The following CDK6 variants were observed in gnomAD, a reference collection of about 807,000 sequenced individuals.
CDK6 encodes cyclin dependent kinase 6.
In CDK6, 6 loss-of-function variants were observed where a neutral mutation model predicts 37.1. The observed-to-expected ratio is 0.16, with a 90% confidence interval of 0.09 to 0.32. The LOEUF is 0.32. CDK6 is among the 10% of genes least tolerant of loss of function. The pLI is 1.00. For missense variants in CDK6, 224 were observed against 418.9 expected (o/e 0.53, Z 4.06); for synonymous variants, 160 against 161.3 (o/e 0.99, Z 0.06).
At position 92,611,622 on chromosome 7, in the gene CDK6, A is replaced by G. The variant is rs1412273872; in HGVS notation, c.*3518T>C. ...AACACTCACTTTAAATACATAATTT[A>G]AAGTTCAAAATGTTTGGTACTATTT... On this transcript the variant is annotated 3_prime_UTR_variant, in exon 8 of 8. Transcript: ENST00000424848. 1 of 229,014 alleles carries G rather than the reference A, an allele frequency of 4.4e-6. No homozygotes were observed. The highest frequency in any genetic ancestry group is 6.3e-5 in the East Asian group (1 of 15,814). 14.2% of individuals were successfully genotyped at this position (229,014 alleles called of 1,614,324 possible).
At position 92,612,228 on chromosome 7, in the gene CDK6, A is replaced by G. The variant is rs1795577313; in HGVS notation, c.*2912T>C. On this transcript the variant is annotated 3_prime_UTR_variant, in exon 8 of 8. Coordinates refer to ENST00000424848, the MANE Select transcript of CDK6 (RefSeq NM_001145306.2). ...GGGACATTCTTGTACTGGTCCTACTATGAAATTCAAACATGATTTCAAATC... is the reference window on the plus strand; with the variant it reads ...GGGACATTCTTGTACTGGTCCTACTGTGAAATTCAAACATGATTTCAAATC... 2 of 233,184 alleles carry G rather than the reference A, an allele frequency of 8.6e-6. No individual in the cohort carries two copies. 14.4% of individuals were successfully genotyped at this position (233,184 alleles called of 1,614,324 possible).
intron 5 of CDK6, among the ~76,000 whole-genome samples, chr7:92,635,820 T>C (rs897638698): frequency 1.3e-5 from 2 of 152,164 alleles, no homozygotes; most frequent in African/African-American, 4.8e-5. Context: ...GAAAACTTTA[T>C]AGATGATGAA....
intron 4 of CDK6, among the ~76,000 whole-genome samples, chr7:92,705,196 TTGGTAG>T (rs1461897275): frequency 3.9e-5 from 6 of 152,338 alleles, no homozygotes; most frequent in African/African-American, 4.8e-5. Flanking sequence ...TAGAAAATTC[TTGGTAG>T]TGGTAAACTC....
chr7:92,633,721 T>C (rs1219495785), intron 5 of CDK6, among the ~76,000 whole-genome samples: 1 of 151,724 alleles, frequency 6.6e-6, no homozygotes, highest in African/African-American at 2.4e-5. Flanking sequence ...ATTTATAGCA[T>C]AATGTAATGT....
intron 5 of CDK6, among the ~76,000 whole-genome samples, chr7:92,640,690 T>C (rs139314163): frequency 3.2e-3 from 482 of 152,318 alleles, no homozygotes; most frequent in African/African-American, 9.7e-3. Flanking sequence ...TAAAAATGTA[T>C]TGAATGACAT....
At chr7:92,735,777 G>A (rs1468263425) in intron 3 of CDK6, among the ~76,000 whole-genome samples, 1 of 152,126 alleles carries the variant, frequency 6.6e-6, no homozygotes, top group Non-Finnish European at 1.5e-5. Flanking sequence ...TTGGTTTTGT[G>A]TACAGGAGTT....
chr7:92,730,057 C>G (rs1253606194), intron 3 of CDK6, among the ~76,000 whole-genome samples: 2 of 152,174 alleles, frequency 1.3e-5, no homozygotes, highest in East Asian at 3.9e-4. Context: ...GCCTTATTTT[C>G]TCATTACAAG....
intron 2 of CDK6, among the ~76,000 whole-genome samples, chr7:92,802,821 T>C (rs1342429327): frequency 1.3e-5 from 2 of 152,214 alleles, no homozygotes; most frequent in East Asian, 3.8e-4. Flanking sequence ...GTTATGGGGA[T>C]ACTGTCTTGT....
intron 2 of CDK6, among the ~76,000 whole-genome samples, chr7:92,804,193 G>A (rs1161935539): frequency 6.6e-6 from 1 of 152,152 alleles, no homozygotes; most frequent in Admixed American, 6.5e-5. Context: ...GAATTACCTA[G>A]ACCCTTTCAC....
At chr7:92,780,804 CA>C (rs1298208967) in intron 2 of CDK6, among the ~76,000 whole-genome samples, 16 of 146,066 alleles carry the variant, frequency 1.1e-4, no homozygotes, top group African/African-American at 3.8e-4. Flanking sequence ...ACAACAACAA[CA>C]ACAAAAAAAA....
intron 2 of CDK6, among the ~76,000 whole-genome samples, chr7:92,816,997 G>C (rs1293931540): frequency 6.6e-6 from 1 of 151,670 alleles, no homozygotes; most frequent in East Asian, 1.9e-4. Context: ...AATTATAAAA[G>C]GTGATCTAAC....
chr7:92,716,829 AGAACTCTTCAGAG>A (rs1316410434), intron 4 of CDK6, among the ~76,000 whole-genome samples: 2 of 152,232 alleles, frequency 1.3e-5, no homozygotes, highest in African/African-American at 4.8e-5. Context: ...CTCATTAAAT[AGAACTCTTCAGAG>A]AAGCCCCTAA....
chr7:92,802,906 C>T lies in CDK6; in HGVS notation c.234-28075G>A, dbSNP rs1037787637. On this transcript the variant is annotated intron_variant, in intron 2 of 7. Coordinates refer to ENST00000424848, the MANE Select transcript of CDK6 (RefSeq NM_001145306.2). ...AATCATATCCCTCCATTTGTGACAA[C>T]CAAAAATATCTGGAAATGTTGCCAA... 3.3e-5 allele frequency among the ~76,000 whole-genome samples: 5 copies of T among 152,256 alleles called. No individual in the cohort carries two copies. In the East Asian group the frequency reaches 7.7e-4, roughly 23 times the overall value.
intron 2 of CDK6, among the ~76,000 whole-genome samples, chr7:92,818,580 G>T (rs1170822877): frequency 6.7e-6 from 1 of 149,280 alleles, no homozygotes; most frequent in Non-Finnish European, 1.5e-5. Flanking sequence ...AGCTATCAAA[G>T]AAAAAAAAAG....
At chr7:92,758,128 GCT>G (rs1347411607) in intron 3 of CDK6, among the ~76,000 whole-genome samples, 1 of 152,034 alleles carries the variant, frequency 6.6e-6, no homozygotes, top group East Asian at 1.9e-4. Flanking sequence ...AGTTTCTTTT[GCT>G]GTGCAGAGCT....
At chr7:92,759,591 A>T (rs935500605) in intron 3 of CDK6, among the ~76,000 whole-genome samples, 2 of 151,866 alleles carry the variant, frequency 1.3e-5, no homozygotes, top group Non-Finnish European at 2.9e-5. Flanking sequence ...ATCTTTCTGC[A>T]AGTGATGTGT....
intron 2 of CDK6, among the ~76,000 whole-genome samples, chr7:92,790,873 A>G (rs1357648014): frequency 2.0e-5 from 3 of 152,182 alleles, no homozygotes. Context: ...GAAACCAAAG[A>G]AAGTGTGAGC....
chr7:92,680,436 A>G (rs1263028901), intron 4 of CDK6, among the ~76,000 whole-genome samples: 7 of 85,624 alleles, frequency 8.2e-5, no homozygotes, highest in East Asian at 1.3e-3. Flanking sequence ...TCCATCTCAG[A>G]AAAAAAAAAA....
chr7:92,736,735 T>C (rs1351448808), intron 3 of CDK6, among the ~76,000 whole-genome samples: 1 of 152,194 alleles, frequency 6.6e-6, no homozygotes, highest in Non-Finnish European at 1.5e-5. Flanking sequence ...AGTGGGTAAG[T>C]AGTAAAAATG....
Sources: gnomAD v4.1 joint callset for allele counts (sites outside exome capture counted in the v4.1 genomes callset) on GRCh38, gnomAD v4.1.1 for gene constraint, MANE v1.5 for transcripts, NCBI Gene and HGNC (gene_info 2026-07-23, HGNC 2026-07-21) for gene names.